Variants in RP1L1 observed in about 807,000 individuals in gnomAD.
RP1L1 encodes the protein RP1 like 1, also known as retinitis pigmentosa 1-like 1 protein.
Under a neutral mutation model 15.7 loss-of-function variants are expected in RP1L1, and 27 were observed. That is an observed-to-expected ratio of 1.72 (90% CI 1.27 to 2.38). RP1L1 has a LOEUF of 2.38. Ranked by LOEUF, RP1L1 falls within the 30% of genes most tolerant of loss-of-function variation. The probability of loss-of-function intolerance (pLI) is 0.00; values close to 1 mark genes in which losing one functional copy is unlikely to be tolerated. For synonymous variants in RP1L1, 1,813 were observed against 1,276.7 expected, an observed-to-expected ratio of 1.42 and a Z score of -8.96; for missense variants, 4,798 against 3,075.9, an observed-to-expected ratio of 1.56 and a Z score of -13.24.
chr8:10,650,553 CTT>C (rs1187467021), intron 1 of RP1L1, among the ~76,000 whole-genome samples: 83 of 138,682 alleles, frequency 6.0e-4, no homozygotes, highest in Admixed American at 1.4e-3. Flanking sequence ...CTCCGTAGTT[CTT>C]TTTTTTTTTT....
intron 3 of RP1L1, 24 bp from the exon 4 acceptor site, chr8:10,613,370 G>C (rs772323916): frequency 6.3e-7 from 1 of 1,598,860 alleles, no homozygotes; most frequent in Non-Finnish European, 8.5e-7. Context: ...AAGAGGAAAA[G>C]AAAAGAAGAA....
At chr8:10,619,277 A>G (rs1167408698) in intron 2 of RP1L1, among the ~76,000 whole-genome samples, 1 of 152,256 alleles carries the variant, frequency 6.6e-6, no homozygotes, top group Non-Finnish European at 1.5e-5. Flanking sequence ...TGAACAGGGC[A>G]TGGAACGTGG....
In RP1L1 at chr8:10,607,557, C is replaced by G; in HGVS notation, c.6541G>C (p.Glu2181Gln). ...EEAQPELEGV[E>Q]APEAEGEAQP... ...GCCTCCCCTTCTGCCTCTGGGGCCTCTACACCTTCTAACTCTGGTTGGGCC... is the reference window on the plus strand; with the variant it reads ...GCCTCCCCTTCTGCCTCTGGGGCCTGTACACCTTCTAACTCTGGTTGGGCC... Residue 2181 changes from glutamate (E) to glutamine (Q), a missense_variant, in exon 4 of 4, where the codon GAG becomes CAG. Physicochemically the swap from Glu to Gln is conservative, Grantham distance 29 (BLOSUM62 2). Coordinates refer to ENST00000382483, the MANE Select transcript of RP1L1 (RefSeq NM_178857.6). The G allele has an allele frequency of 6.4e-7, 1 of 1,568,340 alleles. No individual in the cohort carries two copies. The highest frequency in any genetic ancestry group is 8.7e-7 in the Non-Finnish European group (1 of 1,146,760).
chr8:10,606,855 G>T lies in RP1L1; in HGVS notation c.*40C>A. 6.2e-7 allele frequency: 1 copy of T among 1,612,942 alleles called. No individual in the cohort carries two copies. Among genetic ancestry groups the T allele is most frequent in the South Asian group, 1.1e-5 (1 of 90,986 alleles). ...TGTAGAAAAAATATGAATAAAAACA[G>T]AGCTCCCAAGCTCGTGATTGTTTTC... On this transcript the variant is annotated 3_prime_UTR_variant, in exon 4 of 4. Transcript: ENST00000382483.
At chr8:10,627,716 C>A (rs1456996551) in intron 1 of RP1L1, among the ~76,000 whole-genome samples, 1 of 151,896 alleles carries the variant, frequency 6.6e-6, no homozygotes, top group Non-Finnish European at 1.5e-5. Context: ...GGTAATTACC[C>A]CTTAAGAGGA....
In RP1L1 at chr8:10,616,496, C is replaced by T; in HGVS notation, c.701G>A (p.Arg234Lys). The change falls in exon 3 of 4, where the codon AGG (arginine) becomes AAG (lysine). Residue 234 changes from arginine (R) to lysine (K), a missense_variant. By Grantham distance (26) the Arg-to-Lys change is conservative. Transcript: ENST00000382483. ...AFRTPAMKNA[R>K]RSEAETLSGL... is the part of the protein sequence containing the mutation. ...AGATAAAGTTTCAGCCTCGCTTCTC[C>T]TGGCATTTTTCATGGCTGGGGTTCT... 1 of 1,614,234 alleles carries T rather than the reference C, an allele frequency of 6.2e-7. No homozygotes were observed. Among genetic ancestry groups the T allele is most frequent in the East Asian group, 2.2e-5 (1 of 44,878 alleles).
At position 10,612,537 on chromosome 8, in the gene RP1L1, G is replaced by A; in HGVS notation, c.1561C>T (p.Leu521=). The A allele has an allele frequency of 6.2e-7, 1 of 1,610,134 alleles. No individual in the cohort carries two copies. Among genetic ancestry groups the A allele is most frequent in the Non-Finnish European group, 8.5e-7 (1 of 1,179,534 alleles). ...TCCTCACTCCGGGCCCTCGGTGTCA[G>A]GCGGCCGCCTTGCTCTGGGCCGCCC... The part of the protein sequence containing the change: ...GLGGPEQGGR[L]TPRARSEEGA... Residue 521 remains leucine, a synonymous_variant, in exon 4 of 4, where the codon CTG becomes TTG. Coordinates refer to ENST00000382483, the MANE Select transcript of RP1L1 (RefSeq NM_178857.6).
chr8:10,607,622 G>C lies in RP1L1; in HGVS notation c.6476C>G (p.Pro2159Arg). The stretch of plus-strand genomic sequence containing the variant: ...CTGGGCCTCTATACCTTCTGACTCT[G>C]GCTGGGCCTCCCCTTCTGCATCCTG... ...EAQDAEGEAQPESEGIEAQEA... is the reference protein window; with the variant it reads ...EAQDAEGEAQRESEGIEAQEA... Residue 2159 changes from proline to arginine, a missense_variant, in exon 4 of 4, where the codon CCA becomes CGA. Physicochemically the swap from Pro to Arg is moderately radical, Grantham distance 103. Coordinates refer to ENST00000382483, the MANE Select transcript of RP1L1 (RefSeq NM_178857.6). 1 of 1,588,864 alleles carries C rather than the reference G, an allele frequency of 6.3e-7. No individual in the cohort carries two copies. Among genetic ancestry groups the C allele is most frequent in the Non-Finnish European group, 8.6e-7 (1 of 1,164,852 alleles).
chr8:10,611,063 T>C lies in RP1L1; in HGVS notation c.3035A>G (p.Gln1012Arg), dbSNP rs1797840361. The stretch of plus-strand genomic sequence containing the variant: ...CTGGCCGGGGTCCCCTTCCAGGGAC[T>C]GCTGTCCCGCCTGAGCTGGCTCCCC... ...GLGEPAQAGQQSLEGDPGQDP... is the reference protein window; with the variant it reads ...GLGEPAQAGQRSLEGDPGQDP... Residue 1012 changes from glutamine to arginine, a missense_variant, in exon 4 of 4, where the codon CAG becomes CGG. Gln to Arg is a conservative substitution (Grantham distance 43). Coordinates refer to ENST00000382483, the MANE Select transcript of RP1L1 (RefSeq NM_178857.6). 1 of 1,612,708 alleles carries C rather than the reference T, an allele frequency of 6.2e-7. No individual in the cohort carries two copies. Among genetic ancestry groups the C allele is most frequent in the South Asian group, 1.1e-5 (1 of 91,090 alleles).
intron 1 of RP1L1, among the ~76,000 whole-genome samples, chr8:10,645,121 G>A (rs529841318): frequency 6.6e-6 from 1 of 152,166 alleles, no homozygotes; most frequent in South Asian, 2.1e-4. Flanking sequence ...AAGGCCAGGA[G>A]TTCGAGACAA....
In RP1L1 at chr8:10,623,124, C is replaced by A. The variant is rs773438295; in HGVS notation, c.78G>T (p.Ser26=). 9.3e-6 allele frequency: 15 copies of A among 1,609,716 alleles called. No homozygotes were observed. The highest frequency in any genetic ancestry group is 1.3e-5 in the Non-Finnish European group (15 of 1,177,818). ...TCTTGGCTGGCGTGACCTTGGTGAC[C>A]GAGGGGGTGCGAGCCACAGAGGGCA... The part of the protein sequence containing the change: ...CFLPSVARTP[S]VTKVTPAKKI... Residue 26 remains serine (S), a synonymous_variant, in exon 2 of 4, where the codon TCG becomes TCT. Transcript: ENST00000382483.
chr8:10,623,523 A>C (rs1337012470), intron 1 of RP1L1, among the ~76,000 whole-genome samples: 3 of 149,184 alleles, frequency 2.0e-5, no homozygotes, highest in African/African-American at 4.9e-5. Context: ...CCACCATGAA[A>C]CCAGGACCAC....
Position 10,611,355 on chromosome 8 carries a change from G to C in RP1L1, c.2743C>G (p.Gln915Glu). ...SGASRRSSASQGAGSRGLSEE... is the reference protein window; with the variant it reads ...SGASRRSSASEGAGSRGLSEE... The stretch of plus-strand genomic sequence containing the variant: ...GACAGCCCCCGAGACCCCGCACCCT[G>C]GCTGGCACTGCTTCTCCTTGATGCC... The change falls in exon 4 of 4, where the codon CAG (glutamine) becomes GAG (glutamate). Residue 915 changes from glutamine (Q) to glutamate (E), a missense_variant. Gln to Glu is a conservative substitution (Grantham distance 29). Transcript: ENST00000382483. The C allele has an allele frequency of 6.2e-7, 1 of 1,611,298 alleles. No individual in the cohort carries two copies.
chr8:10,609,386 C>G lies in RP1L1; in HGVS notation c.4712G>C (p.Ser1571Thr), dbSNP rs897290922. 5 of 1,612,306 alleles carry G rather than the reference C, an allele frequency of 3.1e-6. No individual in the cohort carries two copies. The African/African-American group carries it at 5.3e-5, about 17-fold the overall frequency. Reference protein sequence around the residue: ...QQDVAQRLQDSTKRELQKLQG... With the variant: ...QQDVAQRLQDTTKRELQKLQG... ...GAGCTTCTGGAGCTCTCTCTTGGTG[C>G]TGTCCTGGAGGCGTTGGGCCACGTC... is the stretch of plus-strand genomic sequence containing the variant. Residue 1571 changes from serine (S) to threonine (T), a missense_variant, in exon 4 of 4, where the codon AGC (serine) becomes ACC (threonine). Coordinates refer to ENST00000382483, the MANE Select transcript of RP1L1 (RefSeq NM_178857.6).
intron 1 of RP1L1, among the ~76,000 whole-genome samples, chr8:10,643,669 C>G (rs1798437352): frequency 6.6e-6 from 1 of 152,032 alleles, no homozygotes; most frequent in African/African-American, 2.4e-5. Flanking sequence ...GTCTTTCCTG[C>G]CTGGGAGATG....
At chr8:10,614,091 G>A (rs1797926151) in intron 3 of RP1L1, among the ~76,000 whole-genome samples, 1 of 152,224 alleles carries the variant, frequency 6.6e-6, no homozygotes, top group African/African-American at 2.4e-5. Context: ...CAGGCAGAGT[G>A]GCAGTGCCCA....
At chr8:10,613,425 C>T in intron 3 of RP1L1, 79 bp from the exon 4 acceptor site, 1 of 1,572,088 alleles carries the variant, frequency 6.4e-7, no homozygotes, top group Non-Finnish European at 8.6e-7. Flanking sequence ...AGGAATAAAA[C>T]AGTCACGAGC....
At chr8:10,642,430 T>C (rs547509458) in intron 1 of RP1L1, among the ~76,000 whole-genome samples, 1 of 152,346 alleles carries the variant, frequency 6.6e-6, no homozygotes, top group African/African-American at 2.4e-5. Context: ...CCCCCCTTGC[T>C]CCTTGCTTCT....
chr8:10,643,003 T>C (rs1037978173), intron 1 of RP1L1, among the ~76,000 whole-genome samples: 2 of 152,152 alleles, frequency 1.3e-5, no homozygotes, highest in Non-Finnish European at 2.9e-5. Context: ...ATTATCTCCT[T>C]GAGGCCTCTT....
Sources: gnomAD v4.1 joint callset for allele counts (sites outside exome capture counted in the v4.1 genomes callset) on GRCh38, gnomAD v4.1.1 for gene constraint, MANE v1.5 for transcripts, NCBI Gene and HGNC (gene_info 2026-07-23, HGNC 2026-07-21) for gene names.